Variants in ASTN1 observed in about 807,000 individuals in gnomAD.
The protein encoded by ASTN1 is astrotactin-1.
ASTN1 carries 41 observed loss-of-function variants against 140.7 expected under a neutral mutation model. That is an observed-to-expected ratio of 0.29 (90% CI 0.23 to 0.38). The LOEUF (loss-of-function observed/expected upper bound fraction) is 0.38, where lower values mean the gene tolerates loss of function less well. ASTN1 is among the 10% of genes least tolerant of loss of function. The pLI is 1.00. For synonymous variants in ASTN1, 640 were observed against 652.2 expected, an observed-to-expected ratio of 0.98 and a Z score of 0.29; for missense variants, 1,479 against 1,678.8, an observed-to-expected ratio of 0.88 and a Z score of 2.08.
chr1:176,930,967 A>G (rs1671182412), intron 16 of ASTN1, among the ~76,000 whole-genome samples: 1 of 152,054 alleles, frequency 6.6e-6, no homozygotes, highest in Non-Finnish European at 1.5e-5. Flanking sequence ...GGAGGAGGGT[A>G]ATGAAGGAGT....
intron 21 of ASTN1, 75 bp from the exon 22 acceptor site, chr1:176,869,102 GATCTATATC>G: frequency 9.6e-7 from 1 of 1,041,870 alleles, no homozygotes; most frequent in Non-Finnish European, 1.3e-6. Context: ...CATTATATAT[GATCTATATC>G]ATATAGACAT....
chr1:177,045,973 C>A (rs1677199896), intron 2 of ASTN1, among the ~76,000 whole-genome samples: 1 of 152,170 alleles, frequency 6.6e-6, no homozygotes, highest in Non-Finnish European at 1.5e-5. Context: ...AACGAAAGTG[C>A]TAATTTTGCA....
At chr1:177,130,664 C>G (rs1422035928) in intron 1 of ASTN1, among the ~76,000 whole-genome samples, 3 of 152,168 alleles carry the variant, frequency 2.0e-5, no homozygotes, top group Non-Finnish European at 1.5e-5. Context: ...TCAAGTAATG[C>G]TCTAAACCCC....
rs545394459 is a variant in ASTN1, at chr1:177,114,503, T to C, written c.283+49891A>G. 9.2e-5 allele frequency among the ~76,000 whole-genome samples: 14 copies of C among 152,260 alleles called. No homozygotes were observed. The East Asian group carries it at 2.7e-3, about 29-fold the overall frequency. On this transcript the variant is annotated intron_variant, in intron 1 of 22. Transcript: ENST00000361833. The stretch of plus-strand genomic sequence containing the variant: ...TTATATGCAGTTATAAAAAGTAATG[T>C]AGAATTATACCATGTATCCTTTACC...
chr1:176,967,068 T>C (rs1048625746), intron 8 of ASTN1, among the ~76,000 whole-genome samples: 1 of 152,176 alleles, frequency 6.6e-6, no homozygotes. Flanking sequence ...GGGAAAGCCA[T>C]TGGAACTATA....
At chr1:176,885,840 A>G (rs1669011776) in intron 18 of ASTN1, among the ~76,000 whole-genome samples, 1 of 152,192 alleles carries the variant, frequency 6.6e-6, no homozygotes, top group South Asian at 2.1e-4. Flanking sequence ...ATGTGATAAG[A>G]GTTTCAAAAA....
At chr1:177,046,551 C>T (rs115820006) in intron 2 of ASTN1, among the ~76,000 whole-genome samples, 135 of 152,314 alleles carry the variant, frequency 8.9e-4, no homozygotes, top group African/African-American at 3.0e-3. Flanking sequence ...TTACAGAACA[C>T]CATGTGGTCC....
intron 16 of ASTN1, among the ~76,000 whole-genome samples, chr1:176,911,864 CTT>C (rs757412657): frequency 6.6e-6 from 1 of 152,152 alleles, no homozygotes; most frequent in East Asian, 1.9e-4. Flanking sequence ...GTGTGTTAGA[CTT>C]TTATACGACT....
At chr1:176,934,509 T>C (rs1484333828) in intron 15 of ASTN1, among the ~76,000 whole-genome samples, 169 bp from the exon 16 acceptor site, 2 of 152,210 alleles carry the variant, frequency 1.3e-5, no homozygotes, top group Non-Finnish European at 2.9e-5. Context: ...ATGAGACATT[T>C]CAGTTCCTAA....
At chr1:176,926,411 A>G (rs1054520336) in intron 16 of ASTN1, among the ~76,000 whole-genome samples, 2 of 152,166 alleles carry the variant, frequency 1.3e-5, no homozygotes, top group Non-Finnish European at 2.9e-5. Flanking sequence ...GAGAAGACTC[A>G]AATTAAATCC....
At chr1:177,050,784 A>G (rs962490646) in intron 2 of ASTN1, among the ~76,000 whole-genome samples, 1 of 152,184 alleles carries the variant, frequency 6.6e-6, no homozygotes. Context: ...AACAGTCCTC[A>G]CAAAAACCAA....
In ASTN1 at chr1:176,985,843, T is replaced by TACA. The variant is rs1381330304; in HGVS notation, c.1524-20607_1524-20606insTGT. ...TTTATTGGTTCTCTCTCTCTCTCTCTCTACACACACACACACACACACACA... is the reference window on the plus strand; with the variant it reads ...TTTATTGGTTCTCTCTCTCTCTCTCTACACTACACACACACACACACACACACA... On this transcript the variant is annotated intron_variant, in intron 8 of 22. Transcript: ENST00000361833. Among the ~76,000 whole-genome samples, 13 of 138,258 alleles carry TACA rather than the reference T, an allele frequency of 9.4e-5. No individual in the cohort carries two copies. The East Asian group carries it at 1.8e-3, about 19-fold the overall frequency. The allele number at this position is 138,258 out of a possible 152,430, so 90.7% of individuals were successfully genotyped here. A position where few individuals can be genotyped will look rare whatever the true frequency, so the allele number is the denominator to read the frequency against.
intron 7 of ASTN1, among the ~76,000 whole-genome samples, chr1:177,019,183 CT>C (rs1675699082): frequency 6.6e-6 from 1 of 152,162 alleles, no homozygotes. Flanking sequence ...GGTAAGTGAT[CT>C]TGGGCAGATA....
chr1:176,989,181 G>C (rs752680248), intron 8 of ASTN1, among the ~76,000 whole-genome samples: 1 of 152,166 alleles, frequency 6.6e-6, no homozygotes, highest in Non-Finnish European at 1.5e-5. Flanking sequence ...TTACTCACAT[G>C]TGATTATAAG....
intron 1 of ASTN1, among the ~76,000 whole-genome samples, chr1:177,160,949 G>A (rs1371101021): frequency 6.6e-6 from 1 of 152,174 alleles, no homozygotes; most frequent in Non-Finnish European, 1.5e-5. Context: ...GAGAAGTATA[G>A]CAATCTAGAC....
rs977931054 is a variant in ASTN1, at chr1:176,925,722, C to T, written c.2671+8430G>A. On this transcript the variant is annotated intron_variant, in intron 16 of 22. Coordinates refer to ENST00000361833, the MANE Select transcript of ASTN1 (RefSeq NM_004319.3). ...TTCTTATTCTACCTCATTTTGTCCACGAACTTTTCTACTTTGATCTGTTCT... is the reference window on the plus strand; with the variant it reads ...TTCTTATTCTACCTCATTTTGTCCATGAACTTTTCTACTTTGATCTGTTCT... Among the ~76,000 whole-genome samples, 10 of 152,178 alleles carry T rather than the reference C, an allele frequency of 6.6e-5. No individual in the cohort carries two copies. In the East Asian group the frequency reaches 7.7e-4, roughly 12 times the overall value.
chr1:176,931,296 G>A lies in ASTN1; in HGVS notation c.2671+2856C>T, dbSNP rs140592700. Among the ~76,000 whole-genome samples, 1,200 of 152,094 alleles carry A rather than the reference G, an allele frequency of 7.9e-3. 13 individuals carry two copies. The highest frequency in any genetic ancestry group is 0.027 in the African/African-American group (1,134 of 41,498). On this transcript the variant is annotated intron_variant, in intron 16 of 22. Transcript: ENST00000361833. Reference sequence around the variant, plus strand: ...AGTCTGATCAACACGGAGAAACCCCGTCTCTACTTAAATACAAAAATTGGC... The same window carrying A: ...AGTCTGATCAACACGGAGAAACCCCATCTCTACTTAAATACAAAAATTGGC...
At chr1:176,940,962 C>G (rs1294534319) in intron 14 of ASTN1, among the ~76,000 whole-genome samples, 1 of 152,120 alleles carries the variant, frequency 6.6e-6, no homozygotes, top group East Asian at 1.9e-4. Context: ...GAGACTCTTT[C>G]CAAACATCTT....
intron 13 of ASTN1, among the ~76,000 whole-genome samples, chr1:176,945,031 C>T (rs1671892310): frequency 6.6e-6 from 1 of 152,174 alleles, no homozygotes; most frequent in Admixed American, 6.5e-5. Flanking sequence ...ATACTGACAT[C>T]CTCCTCCTCT....
Sources: allele counts gnomAD v4.1 joint callset (sites outside exome capture counted in the v4.1 genomes callset), GRCh38; gene constraint gnomAD v4.1.1; transcripts MANE v1.5; gene names NCBI Gene and HGNC (gene_info 2026-07-23, HGNC 2026-07-21).